Variants in FSTL4 observed in about 807,000 individuals in gnomAD.
The protein encoded by FSTL4 is follistatin-related protein 4.
A neutral mutation model predicts 78.2 loss-of-function variants in FSTL4; 28 were observed. That is an observed-to-expected ratio of 0.36 (90% CI 0.27 to 0.49). The LOEUF (loss-of-function observed/expected upper bound fraction) is 0.49, where lower values mean the gene tolerates loss of function less well. FSTL4 is among the 20% of genes least tolerant of loss of function. FSTL4 has a pLI of 0.98. For missense variants in FSTL4, 922 were observed against 1,084.9 expected (o/e 0.85, Z 2.11); for synonymous variants, 422 against 440.5 (o/e 0.96, Z 0.53).
the FSTL4 span, among the ~76,000 whole-genome samples, chr5:133,631,394 A>G: frequency 6.6e-6 from 1 of 152,342 alleles, no homozygotes; most frequent in Non-Finnish European, 1.5e-5. Flanking sequence ...AAACTATGAA[A>G]AAAAGCTCAT....
chr5:133,286,858 T>C (rs762661722), intron 6 of FSTL4, among the ~76,000 whole-genome samples: 6 of 152,250 alleles, frequency 3.9e-5, no homozygotes, highest in Admixed American at 2.6e-4. Flanking sequence ...ATCGCCTCAA[T>C]GCTGCCCTCA....
At chr5:133,687,255 A>G in the FSTL4 span, among the ~76,000 whole-genome samples, 1 of 152,190 alleles carries the variant, frequency 6.6e-6, no homozygotes, top group South Asian at 2.1e-4. Context: ...TGATAGAAAT[A>G]CTAAGAAAAG....
chr5:133,569,267 C>T (rs1369815632), intron 2 of FSTL4, among the ~76,000 whole-genome samples: 1 of 152,072 alleles, frequency 6.6e-6, no homozygotes, highest in Non-Finnish European at 1.5e-5. Context: ...TTTCTCTTGC[C>T]TTAGAGCTTT....
At chr5:133,213,461 T>C (rs1020562429) in intron 13 of FSTL4, among the ~76,000 whole-genome samples, 1 of 152,194 alleles carries the variant, frequency 6.6e-6, no homozygotes, top group African/African-American at 2.4e-5. Flanking sequence ...AAATTACATA[T>C]ACAGATAAAA....
chr5:133,235,690 G>A (rs1342987143), intron 7 of FSTL4, among the ~76,000 whole-genome samples: 12 of 151,956 alleles, frequency 7.9e-5, no homozygotes, highest in Non-Finnish European at 2.9e-5. Flanking sequence ...AGAGGGCTGC[G>A]GAAACCCTGA....
intron 3 of FSTL4, among the ~76,000 whole-genome samples, chr5:133,412,008 A>G (rs953834182): frequency 1.3e-5 from 2 of 152,178 alleles, no homozygotes; most frequent in Non-Finnish European, 1.5e-5. Flanking sequence ...CAAGAAAGCC[A>G]TAGGACCTAT....
intron 6 of FSTL4, among the ~76,000 whole-genome samples, chr5:133,277,393 G>C (rs541535104): frequency 6.6e-6 from 1 of 152,250 alleles, no homozygotes; most frequent in East Asian, 1.9e-4. Flanking sequence ...CAGGCAGGAA[G>C]GAGGGCGTCT....
At chr5:133,505,679 A>G (rs1457951615) in intron 3 of FSTL4, among the ~76,000 whole-genome samples, 2 of 152,236 alleles carry the variant, frequency 1.3e-5, no homozygotes, top group Admixed American at 6.5e-5. Context: ...AAAAGAAGGG[A>G]TGCATTCCCT....
the FSTL4 span, among the ~76,000 whole-genome samples, chr5:133,783,102 C>T: frequency 2.6e-5 from 4 of 152,182 alleles, no homozygotes; most frequent in African/African-American, 7.2e-5. Context: ...TCTAGAAACC[C>T]CCTTGAGGTG....
the FSTL4 span, among the ~76,000 whole-genome samples, chr5:133,658,109 TG>T: frequency 1.3e-5 from 2 of 152,164 alleles, no homozygotes; most frequent in Non-Finnish European, 2.9e-5. Context: ...GATTTTTTAA[TG>T]CTTACACTTT....
At chr5:133,754,574 A>G in the FSTL4 span, among the ~76,000 whole-genome samples, 4 of 152,254 alleles carry the variant, frequency 2.6e-5, no homozygotes, top group Non-Finnish European at 5.9e-5. Flanking sequence ...TTAGTATTAC[A>G]AATAAGTTTA....
the FSTL4 span, among the ~76,000 whole-genome samples, chr5:133,785,342 T>C: frequency 6.6e-6 from 1 of 152,146 alleles, no homozygotes; most frequent in African/African-American, 2.4e-5. Flanking sequence ...AAGAGTGACC[T>C]ACCACAGGGA....
At chr5:133,423,820 GACAT>G (rs1299892619) in intron 3 of FSTL4, among the ~76,000 whole-genome samples, 3 of 152,214 alleles carry the variant, frequency 2.0e-5, no homozygotes, top group Non-Finnish European at 4.4e-5. Flanking sequence ...GCAGGAAGAA[GACAT>G]ACATAACTGA....
At chr5:133,774,900 C>A in the FSTL4 span, among the ~76,000 whole-genome samples, 1 of 151,920 alleles carries the variant, frequency 6.6e-6, no homozygotes, top group African/African-American at 2.4e-5. Context: ...AAATCTTGCA[C>A]AAATTCAAAG....
intron 3 of FSTL4, among the ~76,000 whole-genome samples, chr5:133,539,066 T>C (rs1759415192): frequency 6.6e-6 from 1 of 152,154 alleles, no homozygotes; most frequent in African/African-American, 2.4e-5. Context: ...AAGGTGATGA[T>C]TTGTCATTTG....
At chr5:133,772,528 T>A in the FSTL4 span, among the ~76,000 whole-genome samples, 1 of 152,130 alleles carries the variant, frequency 6.6e-6, no homozygotes, top group Non-Finnish European at 1.5e-5. Context: ...ACGGAGTAAT[T>A]TATGATGAAC....
At chr5:133,805,253 T>G in the FSTL4 span, among the ~76,000 whole-genome samples, 1 of 152,042 alleles carries the variant, frequency 6.6e-6, no homozygotes, top group Non-Finnish European at 1.5e-5. Context: ...ATCATGCCCC[T>G]ACTCTGCCAG....
the FSTL4 span, among the ~76,000 whole-genome samples, chr5:133,756,633 T>G: frequency 6.6e-6 from 1 of 152,036 alleles, no homozygotes; most frequent in African/African-American, 2.4e-5. Context: ...TCACACCCAC[T>G]GAGTGCACCT....
At chr5:133,840,687 C>T in the FSTL4 span, among the ~76,000 whole-genome samples, 49 of 152,142 alleles carry the variant, frequency 3.2e-4, no homozygotes, top group Non-Finnish European at 5.7e-4. Flanking sequence ...GCTATTCAAG[C>T]CAGAGCTACC....
Sources: gnomAD v4.1 joint callset for allele counts (sites outside exome capture counted in the v4.1 genomes callset) on GRCh38, gnomAD v4.1.1 for gene constraint, MANE v1.5 for transcripts, NCBI Gene and HGNC (gene_info 2026-07-23, HGNC 2026-07-21) for gene names.